Variants in SYT9 observed in about 807,000 individuals in gnomAD.
SYT9 encodes synaptotagmin-9.
SYT9 carries 22 observed loss-of-function variants against 48.4 expected under a neutral mutation model. The ratio of observed to expected loss-of-function variants is 0.45; its 90% CI spans 0.32 to 0.65. The LOEUF (loss-of-function observed/expected upper bound fraction) is 0.65, where lower values mean the gene tolerates loss of function less well. Ranked by LOEUF, SYT9 falls within the 30% of genes least tolerant of loss-of-function variation. The pLI is 0.03. For synonymous variants in SYT9, 265 were observed against 245.0 expected (o/e 1.08, Z -0.76); for missense variants, 577 against 622.0 (o/e 0.93, Z 0.77).
At chr11:7,305,911 T>C (rs1289487307) in intron 2 of SYT9, among the ~76,000 whole-genome samples, 4 of 152,168 alleles carry the variant, frequency 2.6e-5, no homozygotes, top group Admixed American at 2.6e-4. Context: ...CCTCTTCGGC[T>C]TGGATGTGTT....
chr11:7,417,221 C>A (rs1847269720), intron 4 of SYT9, among the ~76,000 whole-genome samples: 1 of 152,036 alleles, frequency 6.6e-6, no homozygotes, highest in South Asian at 2.1e-4. Context: ...CATCTAAGTC[C>A]CTACTGGACT....
chr11:7,344,929 T>TACACAC (rs60652691), intron 3 of SYT9, among the ~76,000 whole-genome samples: 8,047 of 148,942 alleles, frequency 0.054, 258 homozygotes, highest in East Asian at 0.097. Context: ...CTCATTATTT[T>TACACAC]ACACACACAC....
Position 7,394,411 on chromosome 11 carries a change from G to A in SYT9, c.1045-21631G>A, listed in dbSNP as rs191458192. On this transcript the variant is annotated intron_variant, in intron 3 of 6. Coordinates refer to ENST00000318881, the MANE Select transcript of SYT9 (RefSeq NM_175733.4). ...AGTCTTTGCTATTGTGAATAGTGCC[G>A]TGATAAACATACGTGTGCATGTGTC... Among the ~76,000 whole-genome samples, 848 of 152,200 alleles carry A rather than the reference G, an allele frequency of 5.6e-3. 2 individuals are homozygous for A. Among genetic ancestry groups the A allele is most frequent in the Non-Finnish European group, 8.1e-3 (552 of 67,998 alleles).
At chr11:7,288,907 G>A (rs11041299) in intron 1 of SYT9, among the ~76,000 whole-genome samples, 12,309 of 152,182 alleles carry the variant, frequency 0.081, 671 homozygotes, top group East Asian at 0.23. Context: ...CTGGTATTTA[G>A]GGAGGCACTT....
intron 1 of SYT9, among the ~76,000 whole-genome samples, chr11:7,302,760 A>T (rs1477678436): frequency 6.6e-6 from 1 of 152,176 alleles, no homozygotes; most frequent in Non-Finnish European, 1.5e-5. Flanking sequence ...CCATGAATAT[A>T]TCCATTTTCT....
rs1224791658 is a variant in SYT9 at position 7,313,683 on chromosome 11, C to A, written c.786C>A (p.Ile262=). 2.5e-6 allele frequency: 4 copies of A among 1,614,094 alleles called. No individual in the cohort carries two copies. The highest frequency in any genetic ancestry group is 3.4e-6 in the Non-Finnish European group (4 of 1,180,032). The change falls in exon 3 of 7, where the codon ATC becomes ATA. Residue 262 remains isoleucine (I), a synonymous_variant. Transcript: ENST00000318881. ...GGACTTCAGATCCTTATGTCAAGAT[C>A]TATTTGCTTCCTGATCGGAAAACAA... ...FSGTSDPYVK[I]YLLPDRKTKH...
chr11:7,319,859 C>T (rs1849308464), intron 3 of SYT9, among the ~76,000 whole-genome samples: 2 of 152,186 alleles, frequency 1.3e-5, no homozygotes, highest in Non-Finnish European at 1.5e-5. Flanking sequence ...GTTTACTTAC[C>T]TCTGTGGATT....
chr11:7,420,704 G>A (rs758205061), intron 6 of SYT9, 69 bp downstream of exon 6: 11 of 1,588,892 alleles, frequency 6.9e-6, no homozygotes, highest in Non-Finnish European at 9.5e-6. Flanking sequence ...TGCAGGAGCT[G>A]CCAAACATAT....
chr11:7,389,086 A>C (rs1266607294), intron 3 of SYT9, among the ~76,000 whole-genome samples: 1 of 152,220 alleles, frequency 6.6e-6, no homozygotes, highest in Non-Finnish European at 1.5e-5. Flanking sequence ...AGAAAGTACC[A>C]GCTCTTTACT....
chr11:7,249,179 C>T (rs1847829633), upstream of SYT9, among the ~76,000 whole-genome samples: 1 of 152,192 alleles, frequency 6.6e-6, no homozygotes, highest in Admixed American at 6.5e-5. Context: ...TAAGAATTTA[C>T]AGTTCACTCT....
At chr11:7,249,431 A>G (rs1268147290), upstream of SYT9, among the ~76,000 whole-genome samples, 10 of 152,200 alleles carry the variant, frequency 6.6e-5, no homozygotes, top group Admixed American at 6.5e-4. Flanking sequence ...ATCACACTCC[A>G]AAAGGACACA....
At chr11:7,334,129 C>G in intron 3 of SYT9, among the ~76,000 whole-genome samples, 1 of 152,022 alleles carries the variant, frequency 6.6e-6, no homozygotes, top group Non-Finnish European at 1.5e-5. Flanking sequence ...TGGAAAGGCC[C>G]CAAGACAGGA....
intron 6 of SYT9, among the ~76,000 whole-genome samples, chr11:7,464,013 A>G (rs75719304): frequency 0.05 from 7,642 of 152,266 alleles, 202 homozygotes; most frequent in East Asian, 0.074. Flanking sequence ...TAGCCCTCTA[A>G]GCAGGCTTTA....
chr11:7,241,887 A>G (rs1847744688), intron 1 of SYT9, among the ~76,000 whole-genome samples: 3 of 152,332 alleles, frequency 2.0e-5, no homozygotes, highest in Non-Finnish European at 2.9e-5. Context: ...TGGTGGTTAC[A>G]TTTCAGTCTC....
At chr11:7,454,158 G>C in intron 6 of SYT9, 2 of 985,326 alleles carry the variant, frequency 2.0e-6, no homozygotes, top group Non-Finnish European at 2.4e-6. Context: ...CCCTTGATGA[G>C]AGTCCAAGCC....
intron 1 of SYT9, among the ~76,000 whole-genome samples, chr11:7,291,145 TC>T (rs1426146819): frequency 6.6e-6 from 1 of 152,202 alleles, no homozygotes; most frequent in East Asian, 1.9e-4. Flanking sequence ...CTCTAGGGCC[TC>T]CTTTTGGTTG....
At chr11:7,426,023 A>T (rs1847450046) in intron 6 of SYT9, among the ~76,000 whole-genome samples, 1 of 152,234 alleles carries the variant, frequency 6.6e-6, no homozygotes, top group Admixed American at 6.5e-5. Context: ...CATCTTGGTA[A>T]GAAACAGGAA....
At chr11:7,278,196 C>G (rs1019125147) in intron 1 of SYT9, among the ~76,000 whole-genome samples, 9 of 152,124 alleles carry the variant, frequency 5.9e-5, no homozygotes, top group African/African-American at 2.2e-4. Context: ...TGTGTTAGCT[C>G]AGGCCTCTCT....
intron 3 of SYT9, among the ~76,000 whole-genome samples, chr11:7,337,783 T>C (rs559460310): frequency 3.2e-4 from 49 of 152,280 alleles, no homozygotes; most frequent in African/African-American, 1.1e-3. Context: ...TTGTTGAGGA[T>C]TTTTGCATCA....
Sources: gnomAD v4.1 joint callset for allele counts (sites outside exome capture counted in the v4.1 genomes callset) on GRCh38, gnomAD v4.1.1 for gene constraint, MANE v1.5 for transcripts, NCBI Gene and HGNC (gene_info 2026-07-23, HGNC 2026-07-21) for gene names.